TNKS: variants seen among roughly 807,000 people sequenced by gnomAD.
TNKS encodes the protein tankyrase.
TNKS carries 72 observed loss-of-function variants against 135.8 expected under a neutral mutation model. The observed-to-expected ratio is 0.53, with a 90% CI of 0.44 to 0.64. The LOEUF is 0.64. Ranked by LOEUF, TNKS falls within the 30% of genes least tolerant of loss-of-function variation. The pLI, the probability that TNKS is intolerant of heterozygous loss-of-function variation, is 0.00. For missense variants in TNKS, 1,769 were observed against 1,674.0 expected (o/e 1.06, Z -0.99); for synonymous variants, 849 against 649.3 (o/e 1.31, Z -4.68).
chr8:9,754,987 C>G lies in TNKS; in HGVS notation c.3153+2361C>G, dbSNP rs547343904. Among the ~76,000 whole-genome samples the G allele has an allele frequency of 9.2e-5, 14 of 152,310 alleles. No homozygotes were observed. In the South Asian group the frequency reaches 2.7e-3, roughly 29 times the overall value. On this transcript the variant is annotated intron_variant, in intron 20 of 26. Transcript: ENST00000310430. ...TGCTGTTCCCATATTACAGCTATAG[C>G]TGTTCTTCCCAAATCATTTCCACAA...
intron 17 of TNKS, among the ~76,000 whole-genome samples, chr8:9,742,352 A>G (rs905509296): frequency 7.0e-6 from 1 of 143,350 alleles, no homozygotes; most frequent in African/African-American, 2.6e-5. Context: ...CATGAGTGTG[A>G]TAATACCTTT....
At chr8:9,720,910 G>T in intron 12 of TNKS, among the ~76,000 whole-genome samples, 1 of 152,222 alleles carries the variant, frequency 6.6e-6, no homozygotes, top group East Asian at 1.9e-4. Flanking sequence ...GTTCCTACCT[G>T]TGTAAAATTC....
chr8:9,628,819 T>A (rs1300216234), intron 3 of TNKS, among the ~76,000 whole-genome samples: 2 of 152,184 alleles, frequency 1.3e-5, no homozygotes, highest in Non-Finnish European at 2.9e-5. Context: ...AACCTTAACA[T>A]GGCCAACACA....
chr8:9,757,281 T>C (rs1329407894), intron 20 of TNKS, among the ~76,000 whole-genome samples: 1 of 152,122 alleles, frequency 6.6e-6, no homozygotes, highest in African/African-American at 2.4e-5. Flanking sequence ...GGCCAGCCTC[T>C]GGTATACTTC....
chr8:9,725,253 T>C (rs574894696), intron 12 of TNKS, among the ~76,000 whole-genome samples: 15 of 152,370 alleles, frequency 9.8e-5, no homozygotes, highest in African/African-American at 3.6e-4. Flanking sequence ...GAAATGCTTT[T>C]GGAATGCTCT....
rs535715245 is a variant in TNKS at position 9,560,493 on chromosome 8, C to CTTTT, written c.673+3908_673+3911dup. 5.2e-3 allele frequency among the ~76,000 whole-genome samples: 221 copies of CTTTT among 42,312 alleles called. 27 individuals are homozygous for CTTTT. The highest frequency in any genetic ancestry group is 0.013 in the African/African-American group (105 of 8,314). 27.8% of individuals were successfully genotyped at this position (42,312 alleles called of 152,430 possible). Reference sequence around the variant, plus strand: ...GATTTTTCAGCATGGCCATACTTGTCTTTTTTTTTTTTTTTTTTTTTTTTT... The same window carrying CTTTT: ...GATTTTTCAGCATGGCCATACTTGTCTTTTTTTTTTTTTTTTTTTTTTTTTTTTT... On this transcript the variant is annotated intron_variant, in intron 1 of 26. Coordinates refer to ENST00000310430, the MANE Select transcript of TNKS (RefSeq NM_003747.3).
At chr8:9,609,280 AT>A (rs1273213629) in intron 2 of TNKS, among the ~76,000 whole-genome samples, 6 of 152,128 alleles carry the variant, frequency 3.9e-5, no homozygotes, top group African/African-American at 1.2e-4. Context: ...TGCACTGGAC[AT>A]TTTACCAACT....
intron 3 of TNKS, among the ~76,000 whole-genome samples, chr8:9,647,330 G>A (rs1022646177): frequency 9.2e-5 from 14 of 152,108 alleles, no homozygotes; most frequent in Non-Finnish European, 1.6e-4. Context: ...GTTGGATTTT[G>A]CCCCTTTTTG....
Position 9,708,478 on chromosome 8 carries a change from C to A in TNKS, c.1564C>A (p.His522Asn). 6.2e-7 allele frequency: 1 copy of A among 1,605,118 alleles called. No individual in the cohort carries two copies. The highest frequency in any genetic ancestry group is 1.1e-5 in the South Asian group (1 of 89,134). The change falls in exon 9 of 27, where the codon CAT (histidine) becomes AAT (asparagine). Residue 522 changes from histidine (H) to asparagine (N), a missense_variant. Physicochemically the swap from His to Asn is moderately conservative, Grantham distance 68. Coordinates refer to ENST00000310430, the MANE Select transcript of TNKS (RefSeq NM_003747.3). Reference sequence around the variant, plus strand: ...CATTAATTTCAAACAACCGCAGTCTCATGAAACAGCACTGGTAAGATTTTA... The same window carrying A: ...CATTAATTTCAAACAACCGCAGTCTAATGAAACAGCACTGGTAAGATTTTA... ...EIINFKQPQS[H>N]ETALHCAVAS... is the part of the protein sequence containing the mutation.
At chr8:9,725,144 G>A (rs1805098566) in intron 12 of TNKS, among the ~76,000 whole-genome samples, 1 of 152,014 alleles carries the variant, frequency 6.6e-6, no homozygotes, top group Non-Finnish European at 1.5e-5. Context: ...TTATAATGGA[G>A]ACTAATGAGA....
At chr8:9,578,836 A>G (rs1021901295) in intron 1 of TNKS, among the ~76,000 whole-genome samples, 1 of 152,224 alleles carries the variant, frequency 6.6e-6, no homozygotes, top group Non-Finnish European at 1.5e-5. Flanking sequence ...AGAATCATTA[A>G]TTAAGATTCT....
chr8:9,560,513 T>C (rs1249528470), intron 1 of TNKS, among the ~76,000 whole-genome samples: 16 of 130,798 alleles, frequency 1.2e-4, no homozygotes, highest in East Asian at 4.8e-4. Flanking sequence ...TTTTTTTTTT[T>C]TTTTTTTTTT....
intron 3 of TNKS, among the ~76,000 whole-genome samples, chr8:9,666,612 C>T (rs1173381395): frequency 2.6e-5 from 4 of 151,442 alleles, no homozygotes; most frequent in Non-Finnish European, 1.5e-5. Flanking sequence ...CCCAGCTACT[C>T]GAGAGGATGA....
intron 3 of TNKS, among the ~76,000 whole-genome samples, chr8:9,625,510 T>C (rs951308904): frequency 5.1e-4 from 77 of 152,240 alleles, no homozygotes; most frequent in African/African-American, 1.8e-3. Flanking sequence ...TTTCCTAATG[T>C]ATGTATTTAA....
rs368930379 is a variant in TNKS at position 9,706,930 on chromosome 8, A to G, written c.1389A>G (p.Leu463=). The G allele has an allele frequency of 5.3e-5, 85 of 1,613,640 alleles. 1 individual carries two copies. The highest frequency in any genetic ancestry group is 4.9e-4 in the Middle Eastern group (3 of 6,084). Residue 463 remains leucine (L), a synonymous_variant, in exon 8 of 27, where the codon TTA becomes TTG. Coordinates refer to ENST00000310430, the MANE Select transcript of TNKS (RefSeq NM_003747.3). ...LLLSHGADPT[L]VNCHGKSAVD... ...TTAGCCATGGCGCTGATCCTACATT[A>G]GTCAACTGCCATGGCAAAAGTGCTG...
chr8:9,676,043 T>C (rs1404893835), intron 3 of TNKS, among the ~76,000 whole-genome samples: 1 of 148,736 alleles, frequency 6.7e-6, no homozygotes, highest in Non-Finnish European at 1.5e-5. Flanking sequence ...ATAGAGTTTC[T>C]CTCTTGTTGC....
chr8:9,767,361 T>C (rs1368504430), intron 25 of TNKS, among the ~76,000 whole-genome samples: 1 of 152,216 alleles, frequency 6.6e-6, no homozygotes, highest in East Asian at 1.9e-4. Flanking sequence ...AGAATTATAC[T>C]GTACAAAGAT....
intron 11 of TNKS, chr8:9,710,453 A>G (rs1354581916): frequency 3.4e-6 from 2 of 585,824 alleles, no homozygotes; most frequent in South Asian, 2.3e-5. Context: ...GCAACAAAAT[A>G]TAGCTATAGT....
intron 3 of TNKS, among the ~76,000 whole-genome samples, chr8:9,626,663 A>G (rs1349742313): frequency 6.6e-6 from 1 of 152,126 alleles, no homozygotes; most frequent in Non-Finnish European, 1.5e-5. Flanking sequence ...ATGCAGGAGA[A>G]TTGTGGGGGT....
Sources: allele counts gnomAD v4.1 joint callset (sites outside exome capture counted in the v4.1 genomes callset), GRCh38; gene constraint gnomAD v4.1.1; transcripts MANE v1.5; gene names NCBI Gene and HGNC (gene_info 2026-07-23, HGNC 2026-07-21).